The following SRP54 variants were observed in gnomAD, a reference collection of about 807,000 sequenced individuals.
SRP54 encodes the protein signal recognition particle subunit SRP54.
In SRP54, 10 loss-of-function variants were observed where a neutral mutation model predicts 64.8. The observed-to-expected ratio is 0.15, with a 90% confidence interval of 0.10 to 0.26. The LOEUF is 0.26. Among genes scored for constraint, SRP54 ranks in the 10% least tolerant of loss-of-function variants. The pLI, the probability that SRP54 is intolerant of heterozygous loss-of-function variation, is 1.00. For missense variants in SRP54, 325 were observed against 613.7 expected (o/e 0.53, Z 4.97); for synonymous variants, 193 against 185.6 (o/e 1.04, Z -0.32).
chr14:34,983,240 C>G (rs2043834470), intron 1 of SRP54, 25 bp downstream of exon 1: 1 of 152,342 alleles, frequency 6.6e-6, no homozygotes, highest in African/African-American at 2.4e-5. Flanking sequence ...TTTCCCGCCC[C>G]AGACTACGGA....
intron 2 of SRP54, 119 bp from the exon 3 acceptor site, chr14:34,999,439 G>A: frequency 1.6e-6 from 1 of 639,600 alleles, no homozygotes; most frequent in Non-Finnish European, 2.7e-6. Flanking sequence ...AGAACTAACT[G>A]AAAAACCCAG....
rs1430363378 is a variant in SRP54, at chr14:35,002,451, T to G, written c.255+1431T>G. 2.6e-5 allele frequency among the ~76,000 whole-genome samples: 4 copies of G among 152,110 alleles called. No individual in the cohort carries two copies. The East Asian group carries it at 7.7e-4, about 29-fold the overall frequency. On this transcript the variant is annotated intron_variant, in intron 4 of 15. Coordinates refer to ENST00000216774, the MANE Select transcript of SRP54 (RefSeq NM_003136.4). Reference sequence around the variant, plus strand: ...CATTGTTTGAATATTTTCTTTTTTTTTTTTTGACTCTCCCTCTGTCACTCA... The same window carrying G: ...CATTGTTTGAATATTTTCTTTTTTTGTTTTTGACTCTCCCTCTGTCACTCA...
chr14:34,992,765 C>T (rs2138967486), intron 1 of SRP54, among the ~76,000 whole-genome samples: 1 of 152,238 alleles, frequency 6.6e-6, no homozygotes, highest in Middle Eastern at 3.4e-3. Context: ...AACAAACATA[C>T]ACATGTACCC....
chr14:34,991,864 A>C (rs1241335703), intron 1 of SRP54, among the ~76,000 whole-genome samples: 1 of 152,164 alleles, frequency 6.6e-6, no homozygotes, highest in African/African-American at 2.4e-5. Context: ...ATTGTAGAGG[A>C]AACACTGTAA....
chr14:35,019,542 G>A (rs889822930), intron 13 of SRP54, among the ~76,000 whole-genome samples: 1 of 152,168 alleles, frequency 6.6e-6, no homozygotes, highest in Non-Finnish European at 1.5e-5. Context: ...TTTACTGAAA[G>A]TCTCTTCACG....
At chr14:35,027,024 TTC>T (rs2044640196) in intron 14 of SRP54, among the ~76,000 whole-genome samples, 1 of 132,762 alleles carries the variant, frequency 7.5e-6, no homozygotes, top group Non-Finnish European at 1.6e-5. Flanking sequence ...ACTTTCTACT[TTC>T]TTTTTTTTTT....
At chr14:35,013,732 C>A (rs775391428) in intron 9 of SRP54, 70 bp from the exon 10 acceptor site, 4 of 1,399,600 alleles carry the variant, frequency 2.9e-6, no homozygotes, top group African/African-American at 1.4e-5. Context: ...GGATTCACTT[C>A]GAATTTCAGA....
chr14:34,987,259 A>ATATATATGTG (rs1555352662), intron 1 of SRP54, among the ~76,000 whole-genome samples: 7 of 113,442 alleles, frequency 6.2e-5, no homozygotes, highest in African/African-American at 2.1e-4. Context: ...ATATATATAT[A>ATATATATGTG]TGTGTGTGTG....
chr14:35,017,956 T>C (rs1012053493), intron 11 of SRP54, among the ~76,000 whole-genome samples: 11 of 152,050 alleles, frequency 7.2e-5, no homozygotes, highest in African/African-American at 2.4e-4. Context: ...CCCATATCTC[T>C]TAGAAAAATC....
chr14:35,003,827 G>A (rs564478442), intron 4 of SRP54, among the ~76,000 whole-genome samples: 2 of 151,754 alleles, frequency 1.3e-5, no homozygotes, highest in Admixed American at 6.6e-5. Context: ...CGAGTTACTC[G>A]GGAGGGTAAG....
At chr14:34,988,597 C>CAT (rs1207004558) in intron 1 of SRP54, among the ~76,000 whole-genome samples, 62 of 77,928 alleles carry the variant, frequency 8.0e-4, no homozygotes, top group Admixed American at 1.2e-3. Flanking sequence ...ATATATATAA[C>CAT]ATATATATAT....
intron 11 of SRP54, among the ~76,000 whole-genome samples, chr14:35,015,647 C>T (rs958950947): frequency 9.9e-5 from 15 of 152,262 alleles, no homozygotes; most frequent in African/African-American, 2.2e-4. Flanking sequence ...AGATTGCATT[C>T]GCTGATGCAT....
chr14:35,014,275 C>CA (rs2044401970), intron 10 of SRP54, among the ~76,000 whole-genome samples: 1 of 102,210 alleles, frequency 9.8e-6, no homozygotes, highest in East Asian at 4.8e-4. Context: ...TGCCACTTAA[C>CA]TTTTTTTTTT....
At chr14:34,984,744 C>G (rs1198091003) in intron 1 of SRP54, among the ~76,000 whole-genome samples, 2 of 152,042 alleles carry the variant, frequency 1.3e-5, no homozygotes, top group Non-Finnish European at 1.5e-5. Context: ...TGAAGTGATC[C>G]GCCTGCTTCG....
At chr14:35,006,831 CAAAGGGG>C (rs2044264578) in intron 4 of SRP54, among the ~76,000 whole-genome samples, 1 of 152,082 alleles carries the variant, frequency 6.6e-6, no homozygotes, top group African/African-American at 2.4e-5. Context: ...TCTGTCTTTA[CAAAGGGG>C]AATAATTGTA....
At chr14:35,003,471 C>A (rs2044208562) in intron 4 of SRP54, among the ~76,000 whole-genome samples, 1 of 151,990 alleles carries the variant, frequency 6.6e-6, no homozygotes. Flanking sequence ...AATTCCTGGG[C>A]TCGAGCGATC....
At chr14:35,011,484 T>G (rs1384695822) in intron 7 of SRP54, 25 bp from the exon 8 acceptor site, 2 of 1,397,354 alleles carry the variant, frequency 1.4e-6, no homozygotes, top group Non-Finnish European at 1.9e-6. Context: ...GTCGTTTTGT[T>G]AAATCATTTG....
chr14:34,997,257 T>G (rs2044085773), intron 2 of SRP54, among the ~76,000 whole-genome samples: 1 of 152,168 alleles, frequency 6.6e-6, no homozygotes, highest in Non-Finnish European at 1.5e-5. Context: ...AATCTTCAGT[T>G]TTTTGGAGAT....
At chr14:34,989,872 C>G (rs1350544944) in intron 1 of SRP54, among the ~76,000 whole-genome samples, 1 of 152,014 alleles carries the variant, frequency 6.6e-6, no homozygotes, top group Non-Finnish European at 1.5e-5. Context: ...TCACAACAGC[C>G]CTTCAGGGTA....
Sources: allele counts gnomAD v4.1 joint callset (sites outside exome capture counted in the v4.1 genomes callset), GRCh38; gene constraint gnomAD v4.1.1; transcripts MANE v1.5; gene names NCBI Gene and HGNC (gene_info 2026-07-23, HGNC 2026-07-21).